The following SLC19A1 variants were observed in gnomAD, a reference collection of about 807,000 sequenced individuals.
SLC19A1 encodes reduced folate transporter.
SLC19A1 carries 37 observed loss-of-function variants against 35.3 expected under a neutral mutation model. The observed-to-expected ratio is 1.05, with a 90% CI of 0.81 to 1.38. SLC19A1 has a LOEUF of 1.38. Among genes scored for constraint, SLC19A1 ranks in the 40% most tolerant of loss-of-function variants. The pLI, the probability that SLC19A1 is intolerant of heterozygous loss-of-function variation, is 0.00. For missense variants in SLC19A1, 831 were observed against 826.9 expected (o/e 1.00, Z -0.06); for synonymous variants, 460 against 398.5 (o/e 1.15, Z -1.84).
intron 3 of SLC19A1, chr21:45,504,128 T>C (rs376124342): frequency 3.3e-6 from 5 of 1,537,100 alleles, no homozygotes; most frequent in Middle Eastern, 4.0e-4. Context: ...TCCCAATTTC[T>C]CGCCCCATCC....
At chr21:45,523,207 C>T (rs551190218) in intron 5 of SLC19A1, among the ~76,000 whole-genome samples, 4 of 152,144 alleles carry the variant, frequency 2.6e-5, no homozygotes, top group African/African-American at 9.7e-5. Context: ...AGTGGACACT[C>T]GGCACCCAGT....
At chr21:45,505,464 G>A (rs573183760) in intron 3 of SLC19A1, 82 of 1,170,996 alleles carry the variant, frequency 7.0e-5, no homozygotes, top group South Asian at 3.0e-4. Context: ...GGGCACCTGC[G>A]TCCCGTGCCC....
At chr21:45,525,547 G>A (rs2077579211) in intron 5 of SLC19A1, among the ~76,000 whole-genome samples, 1 of 152,224 alleles carries the variant, frequency 6.6e-6, no homozygotes, top group African/African-American at 2.4e-5. Flanking sequence ...GCGGAGACAA[G>A]GACAGCTCCG....
chr21:45,555,545 G>GGGCGGC (rs1250855700), intron 1 of SLC19A1, among the ~76,000 whole-genome samples: 27 of 150,126 alleles, frequency 1.8e-4, no homozygotes, highest in Non-Finnish European at 2.8e-4. Flanking sequence ...GCGGCGGCGG[G>GGGCGGC]GGCGGCGGCG....
Position 45,514,810 on chromosome 21 carries a change from T to A in SLC19A1, c.*848A>T. 1.8e-6 allele frequency: 1 copy of A among 553,604 alleles called. No homozygotes were observed. The highest frequency in any genetic ancestry group is 3.8e-5 in the Admixed American group (1 of 26,038). 34.3% of individuals were successfully genotyped at this position (553,604 alleles called of 1,614,324 possible). A position where few individuals can be genotyped will look rare whatever the true frequency, so the allele number is the denominator to read the frequency against. On this transcript the variant is annotated 3_prime_UTR_variant, in exon 6 of 6. Coordinates refer to ENST00000311124, the MANE Select transcript of SLC19A1 (RefSeq NM_194255.4). The stretch of plus-strand genomic sequence containing the variant: ...CAAGGCACTAGCGCTCCTTAGACCC[T>A]GAGGCCGCTGGGACGTACTTCCCCA...
intron 3 of SLC19A1, chr21:45,503,941 G>A (rs1423369050): frequency 3.9e-5 from 61 of 1,575,122 alleles, no homozygotes; most frequent in East Asian, 3.4e-4. Context: ...ACCAGTGCTG[G>A]GGGCTGCAGA....
At chr21:45,546,502 C>T (rs1217896033), upstream of SLC19A1, among the ~76,000 whole-genome samples, 1 of 152,360 alleles carries the variant, frequency 6.6e-6, no homozygotes, top group East Asian at 1.9e-4. Context: ...CCCAGTTGAG[C>T]CCTGCCTGGC....
intron 3 of SLC19A1, chr21:45,504,061 G>A (rs746481466): frequency 1.9e-6 from 3 of 1,613,462 alleles, no homozygotes; most frequent in African/African-American, 2.7e-5. Context: ...GAAGGTGGGT[G>A]ACCTCCCTGT....
At chr21:45,544,807 C>G (rs79907655), upstream of SLC19A1, among the ~76,000 whole-genome samples, 1,066 of 152,222 alleles carry the variant, frequency 7.0e-3, 17 homozygotes, top group African/African-American at 0.023. Flanking sequence ...TGCCCCATCC[C>G]CAGCTCCTGG....
In SLC19A1 at chr21:45,514,778, C is replaced by A. The variant is rs1268374256; in HGVS notation, c.*880G>T. The A allele has an allele frequency of 5.8e-6, 3 of 520,792 alleles. No individual in the cohort carries two copies. Among genetic ancestry groups the A allele is most frequent in the East Asian group, 3.4e-5 (1 of 29,294 alleles). The allele number at this position is 520,792 out of a possible 1,614,324, so 32.3% of individuals were successfully genotyped here. ...CACATCACATCAGATGGTCCCGCAC[C>A]TGTGGGCAAGGCACTAGCGCTCCTT... On this transcript the variant is annotated 3_prime_UTR_variant, in exon 6 of 6. Coordinates refer to ENST00000311124, the MANE Select transcript of SLC19A1 (RefSeq NM_194255.4).
intron 3 of SLC19A1, chr21:45,503,985 A>G: frequency 6.2e-7 from 1 of 1,613,222 alleles, no homozygotes; most frequent in Non-Finnish European, 8.5e-7. Context: ...CACCTCAGCG[A>G]GACCCCGCCT....
At chr21:45,505,961 G>A (rs1325415179) in intron 3 of SLC19A1, 3 of 1,613,036 alleles carry the variant, frequency 1.9e-6, no homozygotes, top group Admixed American at 1.7e-5. Flanking sequence ...GTTCCGGAAG[G>A]TCCAGGTGAG....
downstream of SLC19A1, chr21:45,509,295 G>T: frequency 6.5e-7 from 1 of 1,533,226 alleles, no homozygotes; most frequent in East Asian, 2.4e-5. Context: ...GGAGGACACA[G>T]ATGGAGGAGG....
chr21:45,538,061 C>G, intron 1 of SLC19A1, 53 bp from the exon 2 acceptor site: 1 of 1,106,954 alleles, frequency 9.0e-7, no homozygotes, highest in South Asian at 1.7e-5. Flanking sequence ...GCAGGCCTCC[C>G]TACCCCGCAA....
chr21:45,532,261 G>C, intron 2 of SLC19A1, 113 bp from the exon 3 acceptor site: 1 of 820,528 alleles, frequency 1.2e-6, no homozygotes, highest in South Asian at 1.7e-5. Context: ...ACACTGCCTG[G>C]TGGGACCCCT....
At chr21:45,519,693 G>A (rs77499936) in intron 5 of SLC19A1, among the ~76,000 whole-genome samples, 240 of 151,710 alleles carry the variant, frequency 1.6e-3, no homozygotes, top group African/African-American at 5.4e-3. Flanking sequence ...AATCCCTAAC[G>A]TGTATGCAAC....
intron 1 of SLC19A1, among the ~76,000 whole-genome samples, chr21:45,562,703 C>T (rs1196239239): frequency 2.0e-5 from 3 of 152,172 alleles, no homozygotes; most frequent in Non-Finnish European, 4.4e-5. Context: ...GGCCATAAAC[C>T]ACAGGACGGA....
intron 1 of SLC19A1, among the ~76,000 whole-genome samples, chr21:45,551,302 T>G (rs2078464512): frequency 6.6e-6 from 1 of 152,184 alleles, no homozygotes; most frequent in Non-Finnish European, 1.5e-5. Context: ...TTAATTAATT[T>G]CTGCTTTTCT....
In SLC19A1 at chr21:45,534,835, T is replaced by A; in HGVS notation, c.190-2687A>T. 1 of 565,814 alleles carries A rather than the reference T, an allele frequency of 1.8e-6. No homozygotes were observed. The highest frequency in any genetic ancestry group is 3.2e-6 in the Non-Finnish European group (1 of 316,390). 35.0% of individuals were successfully genotyped at this position (565,814 alleles called of 1,614,324 possible). Reference sequence around the variant, plus strand: ...CAACGGTCCCAGCAGGGAGGTGGCATCTGTCAGGCGGCCACGACTCTGACA... The same window carrying A: ...CAACGGTCCCAGCAGGGAGGTGGCAACTGTCAGGCGGCCACGACTCTGACA... On this transcript the variant is annotated intron_variant, in intron 2 of 5. Transcript: ENST00000311124. This position sits in a 1 kb window ranked among gnomAD's most constrained non-coding sequence, Gnocchi z 4.2.
Sources: allele counts gnomAD v4.1 joint callset (sites outside exome capture counted in the v4.1 genomes callset), GRCh38; gene constraint gnomAD v4.1.1; non-coding constraint Gnocchi (gnomAD v3.1); transcripts MANE v1.5; gene names NCBI Gene and HGNC (gene_info 2026-07-23, HGNC 2026-07-21).